XRCC2: variants seen among roughly 807,000 people sequenced by gnomAD.
The protein encoded by XRCC2 is X-ray repair cross complementing 2, also known as DNA repair protein XRCC2.
A neutral mutation model predicts 27.3 loss-of-function variants in XRCC2; 24 were observed. That is an observed-to-expected ratio of 0.88 (90% CI 0.64 to 1.24). The LOEUF (loss-of-function observed/expected upper bound fraction) is 1.24, where lower values mean the gene tolerates loss of function less well. Among genes scored for constraint, XRCC2 ranks in the 50% most tolerant of loss-of-function variants. The pLI is 0.00. For synonymous variants in XRCC2, 106 were observed against 115.4 expected (o/e 0.92, Z 0.52); for missense variants, 321 against 325.8 (o/e 0.99, Z 0.11).
rs3218540 is a variant in XRCC2 at position 152,648,602 on chromosome 7, C to G, written c.*40G>C. ...CTCTGTCTTAAGAAAAATTTTAAGG[C>G]TTGCGTAGTACCCTGCAAAAGACTA... On this transcript the variant is annotated 3_prime_UTR_variant, in exon 3 of 3. Transcript: ENST00000359321. The G allele has an allele frequency of 1.5e-3, 2,333 of 1,525,894 alleles. 30 individuals are homozygous for G. The African/African-American group carries it at 0.028, about 18-fold the overall frequency. 94.5% of individuals were successfully genotyped at this position (1,525,894 alleles called of 1,614,324 possible).
rs2098026496 is a variant in XRCC2, at chr7:152,647,386, C to A, written c.*1256G>T. 1 of 152,086 alleles carries A rather than the reference C, an allele frequency of 6.6e-6. No individual in the cohort carries two copies. The highest frequency in any genetic ancestry group is 2.4e-5 in the African/African-American group (1 of 41,426). 9.4% of individuals were successfully genotyped at this position (152,086 alleles called of 1,614,324 possible). A position where few individuals can be genotyped will look rare whatever the true frequency, so the allele number is the denominator to read the frequency against. ...TCTCTTGATAGTTTCTTTTGCTGTG[C>A]AGCTCTTTAGTTTAATTAGATCCCA... On this transcript the variant is annotated 3_prime_UTR_variant, in exon 3 of 3. Transcript: ENST00000359321.
At chr7:152,657,514 C>T (rs1057063514) in intron 2 of XRCC2, among the ~76,000 whole-genome samples, 8 of 152,098 alleles carry the variant, frequency 5.3e-5, no homozygotes, top group African/African-American at 7.2e-5. Flanking sequence ...TGGCCTTGAA[C>T]TTCTGACCTC....
At chr7:152,656,473 AAGC>A in intron 2 of XRCC2, among the ~76,000 whole-genome samples, 1 of 152,326 alleles carries the variant, frequency 6.6e-6, no homozygotes, top group South Asian at 2.1e-4. Flanking sequence ...TTTCTGTAAC[AAGC>A]TCTGATAAAC....
At position 152,662,819 on chromosome 7, in the gene XRCC2, C is replaced by A. The variant is rs543105555; in HGVS notation, c.40-2037G>T. Among the ~76,000 whole-genome samples, 304 of 151,856 alleles carry A rather than the reference C, an allele frequency of 2.0e-3. 2 individuals carry two copies. The highest frequency in any genetic ancestry group is 3.4e-3 in the Middle Eastern group (1 of 294). On this transcript the variant is annotated intron_variant, in intron 1 of 2. Transcript: ENST00000359321. Reference sequence around the variant, plus strand: ...CGATCTCCTGACCTCGTGATCCGCCCGCCTCGGCCTCCCAAAGTGCTGGGA... The same window carrying A: ...CGATCTCCTGACCTCGTGATCCGCCAGCCTCGGCCTCCCAAAGTGCTGGGA...
chr7:152,649,262 C>A lies in XRCC2; in HGVS notation c.223G>T (p.Glu75Ter). The stretch of plus-strand genomic sequence containing the variant: ...GTATCAATAAATAAGACTTCTACTT[C>A]CAGGCCACCTTCTGATTTGGGAAGT... ...CILPKSEGGL[E>*]VEVLFIDTDY... Residue 75 changes from glutamate (E) to a stop codon, truncating the protein, a stop_gained, in exon 3 of 3, where the codon GAA becomes TAA. Coordinates refer to ENST00000359321, the MANE Select transcript of XRCC2 (RefSeq NM_005431.2). LOFTEE classifies it high-confidence loss of function. 1 of 1,613,780 alleles carries A rather than the reference C, an allele frequency of 6.2e-7. No individual in the cohort carries two copies. The highest frequency in any genetic ancestry group is 1.1e-5 in the South Asian group (1 of 91,068).
At chr7:152,654,236 T>C (rs1324584834) in intron 2 of XRCC2, among the ~76,000 whole-genome samples, 2 of 135,704 alleles carry the variant, frequency 1.5e-5, no homozygotes, top group Non-Finnish European at 3.2e-5. Flanking sequence ...TGGTAGGTAA[T>C]AAGGGGCTGG....
In XRCC2 at chr7:152,645,850, G is replaced by T; in HGVS notation, c.*2792C>A. 1 of 152,286 alleles carries T rather than the reference G, an allele frequency of 6.6e-6. No individual in the cohort carries two copies. Among genetic ancestry groups the T allele is most frequent in the South Asian group, 2.1e-4 (1 of 4,822 alleles). 9.4% of individuals were successfully genotyped at this position (152,286 alleles called of 1,614,324 possible). ...GAGGCTCACTGGAACCCAGGAGTTC[G>T]AGGCTGCAGTGAGTTATGATGCCAC... is the stretch of plus-strand genomic sequence containing the variant. On this transcript the variant is annotated 3_prime_UTR_variant, in exon 3 of 3. Transcript: ENST00000359321.
In XRCC2 at chr7:152,649,180, TG is replaced by T; in HGVS notation, c.304del (p.Gln102LysfsTer6). ...LVTILEHRLS[Q>X]SSEEIIKYCL... is the part of the protein sequence containing the mutation. ...GTATTTGATTATTTCTTCAGAGCTT[TG>T]GGATAGTCTGTGCTCAAGAATTGTA... On this transcript the variant is annotated frameshift_variant, in exon 3 of 3. Coordinates refer to ENST00000359321, the MANE Select transcript of XRCC2 (RefSeq NM_005431.2). LOFTEE classifies it high-confidence loss of function. 8 of 1,613,764 alleles carry T rather than the reference TG, an allele frequency of 5.0e-6. No individual in the cohort carries two copies. Among genetic ancestry groups the T allele is most frequent in the Non-Finnish European group, 6.8e-6 (8 of 1,180,012 alleles).
rs1377099186 is a variant in XRCC2 at position 152,675,912 on chromosome 7, G to T, written c.39+129C>A. 10 of 1,273,776 alleles carry T rather than the reference G, an allele frequency of 7.9e-6. No homozygotes were observed. The South Asian group carries it at 9.9e-5, about 13-fold the overall frequency. 78.9% of individuals were successfully genotyped at this position (1,273,776 alleles called of 1,614,324 possible). A position where few individuals can be genotyped will look rare whatever the true frequency, so the allele number is the denominator to read the frequency against. ...TGCCAGCATCGCGGGCGTCTAGGCC[G>T]AGAGGCCGGTCCCAGCCCGGCCAGG... On this transcript the variant is annotated intron_variant, in intron 1 of 2. Coordinates refer to ENST00000359321, the MANE Select transcript of XRCC2 (RefSeq NM_005431.2).
At chr7:152,667,468 C>T (rs906313070) in intron 1 of XRCC2, among the ~76,000 whole-genome samples, 1 of 146,028 alleles carries the variant, frequency 6.8e-6, no homozygotes, top group East Asian at 2.0e-4. Context: ...CTCTTTTGGG[C>T]GAAGATGGTA....
intron 1 of XRCC2, among the ~76,000 whole-genome samples, chr7:152,662,337 GGA>G (rs1341524652): frequency 1.3e-5 from 2 of 151,904 alleles, no homozygotes; most frequent in Non-Finnish European, 2.9e-5. Context: ...AACCATACGT[GGA>G]GAGAGGGCTG....
rs2098025682 is a variant in XRCC2, at chr7:152,646,048, G to T, written c.*2594C>A. ...AAATACACCATCTCCTCTGTGCTTT[G>T]GATCTGTCCTGCTGTATTCGGTTCT... On this transcript the variant is annotated 3_prime_UTR_variant, in exon 3 of 3. Coordinates refer to ENST00000359321, the MANE Select transcript of XRCC2 (RefSeq NM_005431.2). 6.6e-6 allele frequency: 1 copy of T among 152,096 alleles called. No individual in the cohort carries two copies. The highest frequency in any genetic ancestry group is 2.1e-4 in the South Asian group (1 of 4,826). The allele number at this position is 152,096 out of a possible 1,614,324, so 9.4% of individuals were successfully genotyped here.
At chr7:152,674,219 G>T (rs980748600) in intron 1 of XRCC2, among the ~76,000 whole-genome samples, 16 of 152,174 alleles carry the variant, frequency 1.1e-4, no homozygotes, top group Non-Finnish European at 1.8e-4. Context: ...TAAATTCTTT[G>T]TTCCATGACT....
At chr7:152,675,686 AT>A (rs2098040676) in intron 1 of XRCC2, among the ~76,000 whole-genome samples, 1 of 152,264 alleles carries the variant, frequency 6.6e-6, no homozygotes, top group African/African-American at 2.4e-5. Context: ...ATAGCTTGAC[AT>A]TTCCAACGGT....
At chr7:152,663,041 G>A (rs2098033989) in intron 1 of XRCC2, among the ~76,000 whole-genome samples, 1 of 152,078 alleles carries the variant, frequency 6.6e-6, no homozygotes, top group Non-Finnish European at 1.5e-5. Context: ...TACCCTCAAA[G>A]AATGTGCAGT....
At chr7:152,658,357 G>A (rs566756149) in intron 2 of XRCC2, among the ~76,000 whole-genome samples, 1 of 151,940 alleles carries the variant, frequency 6.6e-6, no homozygotes, top group African/African-American at 2.4e-5. Flanking sequence ...TCACCATGTC[G>A]GCCAGGCTGG....
Position 152,646,520 on chromosome 7 carries a change from A to C in XRCC2, c.*2122T>G, listed in dbSNP as rs3218555. On this transcript the variant is annotated 3_prime_UTR_variant, in exon 3 of 3. Transcript: ENST00000359321. ...TTATTTTTTAGAGATGGAGTCGCCC[A>C]GGCGGGAGTGCAATGGCGCGATCTC... is the stretch of plus-strand genomic sequence containing the variant. The C allele has an allele frequency of 6.6e-6, 1 of 152,316 alleles. No individual in the cohort carries two copies. Among genetic ancestry groups the C allele is most frequent in the Non-Finnish European group, 1.5e-5 (1 of 68,112 alleles). The allele number at this position is 152,316 out of a possible 1,614,324, so 9.4% of individuals were successfully genotyped here.
chr7:152,663,380 T>G (rs963987698), intron 1 of XRCC2, among the ~76,000 whole-genome samples: 4 of 108,640 alleles, frequency 3.7e-5, no homozygotes, highest in Non-Finnish European at 6.4e-5. Flanking sequence ...AAAAGACTGC[T>G]TTTACTAAAT....
intron 2 of XRCC2, among the ~76,000 whole-genome samples, chr7:152,656,686 A>AT (rs1228094905): frequency 6.6e-6 from 1 of 152,230 alleles, no homozygotes; most frequent in Non-Finnish European, 1.5e-5. Context: ...CCACAAACCC[A>AT]TTTTAACATA....
Sources: gnomAD v4.1 joint callset for allele counts (sites outside exome capture counted in the v4.1 genomes callset) on GRCh38, gnomAD v4.1.1 for gene constraint, MANE v1.5 for transcripts, NCBI Gene and HGNC (gene_info 2026-07-23, HGNC 2026-07-21) for gene names.